The following PPP4R1 variants were observed in gnomAD, a reference collection of about 807,000 sequenced individuals.
PPP4R1 encodes protein phosphatase 4 regulatory subunit 1, also known as serine/threonine-protein phosphatase 4 regulatory subunit 1.
Under a neutral mutation model 111.2 loss-of-function variants are expected in PPP4R1, and 42 were observed. That is an observed-to-expected ratio of 0.38 (90% CI 0.29 to 0.49). The LOEUF (loss-of-function observed/expected upper bound fraction) is 0.49, where lower values mean the gene tolerates loss of function less well. Ranked by LOEUF, PPP4R1 falls within the 20% of genes least tolerant of loss-of-function variation. PPP4R1 has a pLI of 0.97. For missense variants in PPP4R1, 1,012 were observed against 1,161.6 expected, an observed-to-expected ratio of 0.87 and a Z score of 1.87; for synonymous variants, 409 against 405.5, an observed-to-expected ratio of 1.01 and a Z score of -0.10.
chr18:9,590,859 C>T (rs1397306155), intron 4 of PPP4R1, among the ~76,000 whole-genome samples: 1 of 152,122 alleles, frequency 6.6e-6, no homozygotes, highest in Non-Finnish European at 1.5e-5. Flanking sequence ...AAAGAAGACA[C>T]AAACGGCATG....
chr18:9,574,790 T>C (rs1260577174), intron 10 of PPP4R1, among the ~76,000 whole-genome samples: 1 of 152,214 alleles, frequency 6.6e-6, no homozygotes, highest in African/African-American at 2.4e-5. Flanking sequence ...GACAACTCAG[T>C]GCATCTAAGA....
At chr18:9,561,285 G>A (rs769294256) in intron 13 of PPP4R1, among the ~76,000 whole-genome samples, 35 of 150,882 alleles carry the variant, frequency 2.3e-4, no homozygotes, top group Non-Finnish European at 4.1e-4. Context: ...CAAACAACAC[G>A]TACAGACAGT....
At chr18:9,549,147 C>T in intron 19 of PPP4R1, 50 bp downstream of exon 19, 1 of 1,587,920 alleles carries the variant, frequency 6.3e-7, no homozygotes, top group Non-Finnish European at 8.6e-7. Context: ...GTGCAGTCCA[C>T]AGACCTCCTT....
At chr18:9,604,829 A>G (rs917071835) in intron 2 of PPP4R1, among the ~76,000 whole-genome samples, 12 of 152,262 alleles carry the variant, frequency 7.9e-5, no homozygotes, top group Middle Eastern at 6.8e-3. Flanking sequence ...ACAGAGTCCA[A>G]TGCTTCTCAT....
intron 11 of PPP4R1, among the ~76,000 whole-genome samples, chr18:9,566,497 A>C (rs1195774810): frequency 1.3e-5 from 2 of 152,058 alleles, no homozygotes; most frequent in African/African-American, 4.8e-5. Context: ...AACAAACAAA[A>C]AAAACTAGCC....
At chr18:9,568,694 G>A (rs550599339) in intron 11 of PPP4R1, among the ~76,000 whole-genome samples, 5 of 152,184 alleles carry the variant, frequency 3.3e-5, no homozygotes, top group Non-Finnish European at 4.4e-5. Flanking sequence ...TCCCAGAACC[G>A]GCTTAAGGAC....
At chr18:9,614,748 C>G (rs1459655471), upstream of PPP4R1, 1 of 147,112 alleles carries the variant, frequency 6.8e-6, no homozygotes, top group Non-Finnish European at 1.5e-5. The surrounding 1 kb of genome is among the most constrained non-coding windows in gnomAD (Gnocchi z 4.1). Flanking sequence ...TCCCGCCTCC[C>G]GCCTTTCCCG....
intron 10 of PPP4R1, among the ~76,000 whole-genome samples, chr18:9,574,049 C>T (rs1168198071): frequency 6.6e-6 from 1 of 152,122 alleles, no homozygotes; most frequent in Non-Finnish European, 1.5e-5. Context: ...AATACAAAAT[C>T]AAGCTGTTCA....
chr18:9,561,974 A>C lies in PPP4R1; in HGVS notation c.1842+6T>G. ...CCACAAAAGAACACATTTTTTGGTC[A>C]CTTACTTGTACTTTAGTTCTCCTTT... On this transcript the variant is annotated splice_donor_region_variant and intron_variant, in intron 13 of 19. Transcript: ENST00000400556. The C allele has an allele frequency of 6.2e-7, 1 of 1,600,104 alleles. No individual in the cohort carries two copies. Among genetic ancestry groups the C allele is most frequent in the South Asian group, 1.1e-5 (1 of 90,690 alleles).
In PPP4R1 at chr18:9,591,439, G is replaced by A. The variant is rs148071119; in HGVS notation, c.295+2329C>T. On this transcript the variant is annotated intron_variant, in intron 4 of 19. Coordinates refer to ENST00000400556, the MANE Select transcript of PPP4R1 (RefSeq NM_001042388.3). Reference sequence around the variant, plus strand: ...AGGAAATGCAAATTACAACCACAATGAGATACCACTATACATCCATCCATT... The same window carrying A: ...AGGAAATGCAAATTACAACCACAATAAGATACCACTATACATCCATCCATT... 2.6e-3 allele frequency among the ~76,000 whole-genome samples: 389 copies of A among 152,030 alleles called. 2 individuals carry two copies. Among genetic ancestry groups the A allele is most frequent in the Non-Finnish European group, 3.9e-3 (265 of 67,976 alleles).
At chr18:9,594,575 A>G (rs570682217) in intron 3 of PPP4R1, 38 of 153,818 alleles carry the variant, frequency 2.5e-4, no homozygotes, top group Admixed American at 2.5e-3. Context: ...GATTTCCCAG[A>G]AAAGTGTGAT....
chr18:9,604,468 A>G (rs1428739287), intron 2 of PPP4R1, among the ~76,000 whole-genome samples: 1 of 152,048 alleles, frequency 6.6e-6, no homozygotes, highest in African/African-American at 2.4e-5. Flanking sequence ...ATCTGGCCCC[A>G]ACCTAGTTTC....
At chr18:9,586,709 C>T (rs1245301186) in intron 6 of PPP4R1, among the ~76,000 whole-genome samples, 3 of 152,050 alleles carry the variant, frequency 2.0e-5, no homozygotes, top group East Asian at 1.9e-4. Context: ...TCAACAAAGA[C>T]GCAACCATAT....
chr18:9,595,945 T>A (rs1485640309), intron 2 of PPP4R1, among the ~76,000 whole-genome samples: 1 of 152,224 alleles, frequency 6.6e-6, no homozygotes, highest in Non-Finnish European at 1.5e-5. Context: ...TTGGTACTTT[T>A]GTGCCATGCT....
intron 10 of PPP4R1, among the ~76,000 whole-genome samples, chr18:9,574,010 CTAATTTTTCCTGGTAAAGTA>C (rs1369357829): frequency 6.6e-6 from 1 of 152,128 alleles, no homozygotes; most frequent in Non-Finnish European, 1.5e-5. Context: ...TCTCTAAATT[CTAATTTTTCCTGGTAAAGTA>C]TAATAGTCAA....
rs747235664 is a variant in PPP4R1, at chr18:9,593,851, A to C, written c.212T>G (p.Leu71Arg). The C allele has an allele frequency of 6.2e-7, 1 of 1,613,600 alleles. No homozygotes were observed. The highest frequency in any genetic ancestry group is 8.5e-7 in the Non-Finnish European group (1 of 1,179,880). The change falls in exon 4 of 20, where the codon CTC (leucine) becomes CGC (arginine). Residue 71 changes from leucine to arginine, a missense_variant. Leu to Arg is a moderately radical substitution (Grantham distance 102). Around this residue, in one of 2 missense-constraint regions of PPP4R1, gnomAD observed 707 missense variants for 742.1 expected, o/e 0.95. Coordinates refer to ENST00000400556, the MANE Select transcript of PPP4R1 (RefSeq NM_001042388.3). ...FNRQMVARSL[L>R]DTLREVCDDE... ...ATCGCAGACTTCCCTCAAGGTATCG[A>C]GCAAACTCCGGGCCACCATTTGTCT... is the stretch of plus-strand genomic sequence containing the variant.
intron 15 of PPP4R1, among the ~76,000 whole-genome samples, chr18:9,555,885 C>T (rs1024919277): frequency 1.3e-5 from 2 of 151,968 alleles, no homozygotes; most frequent in Non-Finnish European, 2.9e-5. Flanking sequence ...GCCTGTAATC[C>T]CAGCACTTTG....
In PPP4R1 at chr18:9,583,072, G is replaced by A. The variant is rs779542339; in HGVS notation, c.918+45C>T. Reference sequence around the variant, plus strand: ...GTCAAAATTATGTTTGCTTTAAAACGGACACAAATGTATTATTTTACAAAA... The same window carrying A: ...GTCAAAATTATGTTTGCTTTAAAACAGACACAAATGTATTATTTTACAAAA... On this transcript the variant is annotated intron_variant, in intron 9 of 19. Transcript: ENST00000400556. 6.9e-5 allele frequency: 101 copies of A among 1,466,272 alleles called. 1 individual carries two copies. Among genetic ancestry groups the A allele is most frequent in the Admixed American group, 3.2e-4 (16 of 49,358 alleles). The allele number at this position is 1,466,272 out of a possible 1,614,324, so 90.8% of individuals were successfully genotyped here.
intron 2 of PPP4R1, among the ~76,000 whole-genome samples, chr18:9,610,554 C>T (rs62088908): frequency 0.16 from 23,893 of 152,074 alleles, 2,529 homozygotes; most frequent in African/African-American, 0.3. Flanking sequence ...CCTCTACCTC[C>T]TGGGTTCAAG....
Sources: gnomAD v4.1 joint callset for allele counts (sites outside exome capture counted in the v4.1 genomes callset) on GRCh38, gnomAD v4.1.1 for gene constraint, gnomAD v4.1.1 regional missense constraint, Gnocchi (gnomAD v3.1) non-coding constraint, MANE v1.5 for transcripts, NCBI Gene and HGNC (gene_info 2026-07-23, HGNC 2026-07-21) for gene names.